The following HTR2C variants were observed in gnomAD, a reference collection of about 807,000 sequenced individuals.
The protein encoded by HTR2C is 5-hydroxytryptamine (serotonin) receptor 2C, G protein-coupled.
In HTR2C, 5 loss-of-function variants were observed where a neutral mutation model predicts 21.0. That is an observed-to-expected ratio of 0.24 (90% confidence interval 0.12 to 0.50). The LOEUF is 0.50. Ranked by LOEUF, HTR2C falls within the 20% of genes least tolerant of loss-of-function variation. The probability of loss-of-function intolerance (pLI) is 0.98; values close to 1 mark genes in which losing one functional copy is unlikely to be tolerated. For synonymous variants in HTR2C, 150 were observed against 145.3 expected, an observed-to-expected ratio of 1.03 and a Z score of -0.23; for missense variants, 271 against 371.2, an observed-to-expected ratio of 0.73 and a Z score of 2.22.
chrX:114,722,507 T>G (rs1277244740), intron 2 of HTR2C, among the ~76,000 whole-genome samples: 1 of 111,109 alleles, frequency 9.0e-6, no homozygotes, highest in Non-Finnish European at 1.9e-5. Flanking sequence ...ACCCTTTATT[T>G]CCTTCTCCTG....
At chrX:114,706,992 T>G (rs1033734788) in intron 2 of HTR2C, among the ~76,000 whole-genome samples, 40 of 111,234 alleles carry the variant, frequency 3.6e-4, no homozygotes, top group Admixed American at 8.7e-4. Context: ...TTGTCCAGAT[T>G]TTTTCCTATA....
At chrX:114,806,519 CATATATACACCATATATATACCGT>C (rs2070443949) in intron 4 of HTR2C, among the ~76,000 whole-genome samples, 1 of 92,616 alleles carries the variant, frequency 1.1e-5, no homozygotes, top group Non-Finnish European at 2.1e-5. Flanking sequence ...ATATACACCA[CATATATACACCATATATATACCGT>C]ATATATACCA....
intron 2 of HTR2C, among the ~76,000 whole-genome samples, chrX:114,703,613 G>T (rs10127389): frequency 0.012 from 1,295 of 111,849 alleles, 13 homozygotes; most frequent in African/African-American, 0.04. Flanking sequence ...AAGCAGGAAA[G>T]ATCCAAACTT....
At chrX:114,880,383 G>A (rs1278665602) in intron 5 of HTR2C, among the ~76,000 whole-genome samples, 3 of 109,799 alleles carry the variant, frequency 2.7e-5, no homozygotes, top group Non-Finnish European at 5.7e-5. Context: ...TATTGAATTC[G>A]CTTTTTCCTT....
At chrX:114,691,548 A>C (rs1204570043) in intron 2 of HTR2C, among the ~76,000 whole-genome samples, 1 of 111,788 alleles carries the variant, frequency 8.9e-6, no homozygotes, top group East Asian at 2.8e-4. Context: ...TCTCTACCAT[A>C]CATGCTATCT....
Position 114,848,286 on chromosome X carries a change from G to A in HTR2C, c.550+83G>A, listed in dbSNP as rs2070890163. 8 of 589,769 alleles carry A rather than the reference G, an allele frequency of 1.4e-5. No individual in the cohort carries two copies. The South Asian group carries it at 2.5e-4, about 18-fold the overall frequency. 48.6% of individuals were successfully genotyped at this position (589,769 alleles called of 1,213,427 possible). On this transcript the variant is annotated intron_variant, in intron 5 of 5. Coordinates refer to ENST00000276198, the MANE Select transcript of HTR2C (RefSeq NM_000868.4). ...TATGTACTGTGAACAACGTACAGAC[G>A]TCGACTGGTAACATTTGCGTTTGAT...
At chrX:114,744,863 G>A (rs2069687304) in intron 4 of HTR2C, among the ~76,000 whole-genome samples, 1 of 111,992 alleles carries the variant, frequency 8.9e-6, no homozygotes, top group Admixed American at 9.5e-5. Flanking sequence ...TAAAGAAGTA[G>A]AATCACTGCA....
intron 4 of HTR2C, among the ~76,000 whole-genome samples, chrX:114,838,084 C>T (rs1418475134): frequency 2.7e-5 from 3 of 111,261 alleles, no homozygotes; most frequent in Non-Finnish European, 3.8e-5. Context: ...GATGATAAAT[C>T]GCCTTTGCAT....
At chrX:114,650,057 C>T (rs1291125517) in intron 2 of HTR2C, among the ~76,000 whole-genome samples, 3 of 111,946 alleles carry the variant, frequency 2.7e-5, no homozygotes, top group Admixed American at 9.5e-5. Flanking sequence ...ATGAGCTTGA[C>T]GTTTCTGTCT....
intron 4 of HTR2C, among the ~76,000 whole-genome samples, chrX:114,772,486 G>GT (rs1305378989): frequency 4.7e-4 from 28 of 59,802 alleles, no homozygotes; most frequent in African/African-American, 1.7e-3. Flanking sequence ...GCGGGGCGTG[G>GT]TGGGGGGGCC....
At chrX:114,898,751 A>G (rs1371113939) in intron 5 of HTR2C, among the ~76,000 whole-genome samples, 5 of 111,640 alleles carry the variant, frequency 4.5e-5, no homozygotes, top group African/African-American at 1.3e-4. Flanking sequence ...CCATTGGTCT[A>G]TGTGTCTGTT....
At chrX:114,874,951 A>G (rs1414277152) in intron 5 of HTR2C, among the ~76,000 whole-genome samples, 1 of 111,790 alleles carries the variant, frequency 8.9e-6, no homozygotes, top group African/African-American at 3.3e-5. Flanking sequence ...ATTCATACCT[A>G]TATTTGTGGG....
chrX:114,699,822 T>C (rs1932403927), intron 2 of HTR2C, among the ~76,000 whole-genome samples: 1 of 112,227 alleles, frequency 8.9e-6, no homozygotes. Flanking sequence ...GGAGAAGAAA[T>C]ATCAAGCTGC....
intron 1 of HTR2C, among the ~76,000 whole-genome samples, chrX:114,605,337 G>T (rs1357434995): frequency 9.0e-4 from 99 of 109,968 alleles, no homozygotes; most frequent in Admixed American, 1.9e-3. Flanking sequence ...TTGGGACCTA[G>T]CTCGGCATGG....
rs1177275427 is a variant in HTR2C, at chrX:114,661,767, CACT to C, written c.-80+47890_-80+47892del. Reference sequence around the variant, plus strand: ...TCAAATCCTTGAGCATTTCAGGGACCACTACTGTGTAATACCCAACTGTGGTTT... The same window carrying C: ...TCAAATCCTTGAGCATTTCAGGGACCACTGTGTAATACCCAACTGTGGTTT... On this transcript the variant is annotated intron_variant, in intron 2 of 5. Transcript: ENST00000276198. 6.3e-5 allele frequency among the ~76,000 whole-genome samples: 7 copies of C among 111,704 alleles called. No individual in the cohort carries two copies. In the East Asian group the frequency reaches 2.0e-3, roughly 32 times the overall value.
chrX:114,716,380 A>C (rs1315274901), intron 2 of HTR2C, among the ~76,000 whole-genome samples: 1 of 112,427 alleles, frequency 8.9e-6, no homozygotes, highest in East Asian at 2.8e-4. Context: ...ATTCGCACAT[A>C]ATTTAACAAT....
rs1420871390 is a variant in HTR2C, at chrX:114,909,147, T to C, written c.*1732T>C. 8.9e-6 allele frequency: 1 copy of C among 112,775 alleles called. No individual in the cohort carries two copies. The highest frequency in any genetic ancestry group is 3.2e-5 in the African/African-American group (1 of 31,006). 9.3% of individuals were successfully genotyped at this position (112,775 alleles called of 1,213,427 possible). The stretch of plus-strand genomic sequence containing the variant: ...ACAGTCTCTATTTGATTTGCAACAC[T>C]GCCAAACATCAGTCAATTGCTTGAG... On this transcript the variant is annotated 3_prime_UTR_variant, in exon 6 of 6. Coordinates refer to ENST00000276198, the MANE Select transcript of HTR2C (RefSeq NM_000868.4).
At chrX:114,605,292 G>T (rs1168047010) in intron 1 of HTR2C, among the ~76,000 whole-genome samples, 16 of 111,478 alleles carry the variant, frequency 1.4e-4, no homozygotes, top group Non-Finnish European at 2.8e-4. Flanking sequence ...GTGATAAAAA[G>T]ATTATAGGGT....
chrX:114,689,751 A>G (rs1261402040), intron 2 of HTR2C, among the ~76,000 whole-genome samples: 1 of 111,613 alleles, frequency 9.0e-6, no homozygotes, highest in Admixed American at 9.6e-5. Flanking sequence ...AAAGATGGTA[A>G]ACTATAAACT....
Sources: allele counts gnomAD v4.1 joint callset (sites outside exome capture counted in the v4.1 genomes callset), GRCh38; gene constraint gnomAD v4.1.1; transcripts MANE v1.5; gene names NCBI Gene and HGNC (gene_info 2026-07-23, HGNC 2026-07-21).